CSNK1A1: variants seen among roughly 807,000 people sequenced by gnomAD.
CSNK1A1 encodes casein kinase 1 alpha 1, also known as casein kinase I isoform alpha.
CSNK1A1 carries 7 observed loss-of-function variants against 46.1 expected under a neutral mutation model. That is an observed-to-expected ratio of 0.15 (90% CI 0.09 to 0.29). The LOEUF (loss-of-function observed/expected upper bound fraction) is 0.29, where lower values mean the gene tolerates loss of function less well. Among genes scored for constraint, CSNK1A1 ranks in the 10% least tolerant of loss-of-function variants. The pLI is 1.00. For synonymous variants in CSNK1A1, 137 were observed against 141.5 expected (o/e 0.97, Z 0.23); for missense variants, 96 against 417.1 (o/e 0.23, Z 6.71).
chr5:149,520,919 A>G (rs1300193487), intron 3 of CSNK1A1, among the ~76,000 whole-genome samples: 1 of 152,224 alleles, frequency 6.6e-6, no homozygotes, highest in East Asian at 1.9e-4. Flanking sequence ...TCTCATTCCA[A>G]AAGTTAAATA....
In CSNK1A1 at chr5:149,550,203, A is replaced by G. The variant is rs1325137550; in HGVS notation, c.124-22T>C. 1 of 1,611,712 alleles carries G rather than the reference A, an allele frequency of 6.2e-7. No homozygotes were observed. Among genetic ancestry groups the G allele is most frequent in the Non-Finnish European group, 8.5e-7 (1 of 1,178,752 alleles). ...CTTCCTGCAGGGGAAAGAGGGGATG[A>G]TGGCATCAACATCCCTACGGATTCA... On this transcript the variant is annotated intron_variant, in intron 1 of 9. Coordinates refer to ENST00000377843, the MANE Select transcript of CSNK1A1 (RefSeq NM_001892.6). This position sits in a 1 kb window ranked among gnomAD's most constrained non-coding sequence, Gnocchi z 4.3.
intron 9 of CSNK1A1, 60 bp from the exon 10 acceptor site, chr5:149,496,920 A>T: frequency 6.6e-7 from 1 of 1,524,402 alleles, no homozygotes; most frequent in Non-Finnish European, 8.7e-7. Context: ...TTTAAATTAC[A>T]CCCAAAATAT....
At chr5:149,527,729 C>T (rs187883639) in intron 2 of CSNK1A1, among the ~76,000 whole-genome samples, 2 of 152,232 alleles carry the variant, frequency 1.3e-5, no homozygotes, top group South Asian at 2.1e-4. Flanking sequence ...CACGAACCTA[C>T]CATTACAAAC....
At chr5:149,537,504 T>A (rs1045169973) in intron 2 of CSNK1A1, among the ~76,000 whole-genome samples, 14 of 152,130 alleles carry the variant, frequency 9.2e-5, no homozygotes, top group African/African-American at 3.4e-4. Flanking sequence ...CTTGATACAA[T>A]GGAGTGCCAA....
At chr5:149,506,149 G>A (rs1044111560) in intron 8 of CSNK1A1, among the ~76,000 whole-genome samples, 2 of 151,588 alleles carry the variant, frequency 1.3e-5, no homozygotes, top group African/African-American at 4.9e-5. Context: ...CTGGTCTCGA[G>A]CTCCTGGCCT....
At position 149,550,219 on chromosome 5, in the gene CSNK1A1, T is replaced by C; in HGVS notation, c.124-38A>G. ...GAGGGGATGATGGCATCAACATCCC[T>C]ACGGATTCAATGTCACTTAGGAAAG... On this transcript the variant is annotated intron_variant, in intron 1 of 9. Transcript: ENST00000377843. This position sits in a 1 kb window ranked among gnomAD's most constrained non-coding sequence, Gnocchi z 4.3. 1 of 1,606,810 alleles carries C rather than the reference T, an allele frequency of 6.2e-7. No individual in the cohort carries two copies. Among genetic ancestry groups the C allele is most frequent in the Admixed American group, 1.7e-5 (1 of 58,868 alleles).
chr5:149,549,124 C>T (rs1052240147), intron 2 of CSNK1A1, among the ~76,000 whole-genome samples: 15 of 152,148 alleles, frequency 9.9e-5, no homozygotes, highest in Admixed American at 4.6e-4. Context: ...AACAAAGGCC[C>T]CAATTTCTCT....
Position 149,550,665 on chromosome 5 carries a change from C to T in CSNK1A1, c.123+177G>A, listed in dbSNP as rs1442071089. 6.6e-6 allele frequency among the ~76,000 whole-genome samples: 1 copy of T among 151,994 alleles called. No homozygotes were observed. The highest frequency in any genetic ancestry group is 1.9e-4 in the East Asian group (1 of 5,188). On this transcript the variant is annotated intron_variant, in intron 1 of 9. Coordinates refer to ENST00000377843, the MANE Select transcript of CSNK1A1 (RefSeq NM_001892.6). This position sits in a 1 kb window ranked among gnomAD's most constrained non-coding sequence, Gnocchi z 4.3. Reference sequence around the variant, plus strand: ...GTTCCCCCAACCTTTCTATCGGGTTCTTGACCCTTTTAGGGAGACAGCGGA... The same window carrying T: ...GTTCCCCCAACCTTTCTATCGGGTTTTTGACCCTTTTAGGGAGACAGCGGA...
At chr5:149,544,909 G>A (rs1460860778) in intron 2 of CSNK1A1, among the ~76,000 whole-genome samples, 1 of 151,264 alleles carries the variant, frequency 6.6e-6, no homozygotes, top group Non-Finnish European at 1.5e-5. Context: ...GCCGAGGTGG[G>A]TGGATCATCT....
chr5:149,535,556 CA>C (rs2113157786), intron 2 of CSNK1A1, among the ~76,000 whole-genome samples: 1 of 152,198 alleles, frequency 6.6e-6, no homozygotes, highest in South Asian at 2.1e-4. Flanking sequence ...TAAAAAGTTT[CA>C]GAAAGAAAAA....
In CSNK1A1 at chr5:149,550,532, G is replaced by T. The variant is rs1376665863; in HGVS notation, c.123+310C>A. On this transcript the variant is annotated intron_variant, in intron 1 of 9. Coordinates refer to ENST00000377843, the MANE Select transcript of CSNK1A1 (RefSeq NM_001892.6). This position sits in a 1 kb window ranked among gnomAD's most constrained non-coding sequence, Gnocchi z 4.3. ...AAGAATTAAAAAAAAAAAAACATGGGAATCACTGAAAGAGGATTTTGCCGT... is the reference window on the plus strand; with the variant it reads ...AAGAATTAAAAAAAAAAAAACATGGTAATCACTGAAAGAGGATTTTGCCGT... 1.3e-5 allele frequency among the ~76,000 whole-genome samples: 2 copies of T among 150,450 alleles called. No individual in the cohort carries two copies. Among genetic ancestry groups the T allele is most frequent in the East Asian group, 3.9e-4 (2 of 5,090 alleles).
intron 2 of CSNK1A1, chr5:149,529,860 G>C: frequency 2.5e-6 from 1 of 394,094 alleles, no homozygotes. Flanking sequence ...TTACCAATTA[G>C]GAAGTGTTAT....
chr5:149,503,764 A>G (rs1760945926), intron 9 of CSNK1A1: 1 of 985,294 alleles, frequency 1.0e-6, no homozygotes, highest in African/African-American at 1.7e-5. Flanking sequence ...CAGTAAACTA[A>G]CAAAGAAACT....
Position 149,525,761 on chromosome 5 carries a change from T to C in CSNK1A1, c.231-590A>G, listed in dbSNP as rs550596473. On this transcript the variant is annotated intron_variant, in intron 2 of 9. Coordinates refer to ENST00000377843, the MANE Select transcript of CSNK1A1 (RefSeq NM_001892.6). This position sits in a 1 kb window ranked among gnomAD's most constrained non-coding sequence, Gnocchi z 4.2. ...ATGTTTTAATTATCCTGGGCTGTATTACTGTATACAATGTGTCCCTAATAA... is the reference window on the plus strand; with the variant it reads ...ATGTTTTAATTATCCTGGGCTGTATCACTGTATACAATGTGTCCCTAATAA... 7.9e-5 allele frequency among the ~76,000 whole-genome samples: 12 copies of C among 152,352 alleles called. No homozygotes were observed. In the East Asian group the frequency reaches 2.1e-3, roughly 27 times the overall value.
chr5:149,536,842 A>G (rs1353723098), intron 2 of CSNK1A1, among the ~76,000 whole-genome samples: 2 of 152,200 alleles, frequency 1.3e-5, no homozygotes, highest in Admixed American at 6.5e-5. Context: ...AGTTGACAGT[A>G]TATGTAACAT....
chr5:149,502,791 CAG>C, intron 9 of CSNK1A1: 1 of 902,302 alleles, frequency 1.1e-6, no homozygotes, highest in Non-Finnish European at 1.3e-6. Flanking sequence ...TTTTTTGAGA[CAG>C]AGTCTCACTC....
At chr5:149,547,334 G>T (rs971235295) in intron 2 of CSNK1A1, among the ~76,000 whole-genome samples, 4 of 152,154 alleles carry the variant, frequency 2.6e-5, no homozygotes, top group African/African-American at 9.7e-5. Context: ...TTATTCATGT[G>T]CTTATTCAGT....
intron 9 of CSNK1A1, chr5:149,501,623 C>G (rs964246045): frequency 2.0e-6 from 2 of 985,074 alleles, no homozygotes; most frequent in African/African-American, 1.7e-5. Context: ...TGCTTAGTAA[C>G]TATGGTTAGG....
rs1580834979 is a variant in CSNK1A1, at chr5:149,517,917, T to C, written c.456+2373A>G. 1 of 1,281,992 alleles carries C rather than the reference T, an allele frequency of 7.8e-7. No homozygotes were observed. Among genetic ancestry groups the C allele is most frequent in the Non-Finnish European group, 1.1e-6 (1 of 893,432 alleles). The allele number at this position is 1,281,992 out of a possible 1,614,324, so 79.4% of individuals were successfully genotyped here. On this transcript the variant is annotated intron_variant, in intron 4 of 9. Transcript: ENST00000377843. This position sits in a 1 kb window ranked among gnomAD's most constrained non-coding sequence, Gnocchi z 4.4. ...GAGGGTGGCAGTGCATCAAACAGTA[T>C]TGCTTACATTGCAACAATGGCCGGC...
Sources: allele counts gnomAD v4.1 joint callset (sites outside exome capture counted in the v4.1 genomes callset), GRCh38; gene constraint gnomAD v4.1.1; non-coding constraint Gnocchi (gnomAD v3.1); transcripts MANE v1.5; gene names NCBI Gene and HGNC (gene_info 2026-07-23, HGNC 2026-07-21).